The following AKR1C4 variants were observed in gnomAD, a reference collection of about 807,000 sequenced individuals.
AKR1C4 encodes the protein 3-alpha-HSD1.
A neutral mutation model predicts 41.0 loss-of-function variants in AKR1C4; 44 were observed. The ratio of observed to expected loss-of-function variants is 1.07; its 90% confidence interval spans 0.84 to 1.38. The LOEUF is 1.38. Among genes scored for constraint, AKR1C4 ranks in the 40% most tolerant of loss-of-function variants. AKR1C4 has a pLI of 0.00. For missense variants in AKR1C4, 438 were observed against 387.9 expected, an observed-to-expected ratio of 1.13 and a Z score of -1.09; for synonymous variants, 165 against 137.7, an observed-to-expected ratio of 1.20 and a Z score of -1.39.
chr10:5,218,607 T>A, intron 8 of AKR1C4, 111 bp from the exon 9 acceptor site: 1 of 745,946 alleles, frequency 1.3e-6, no homozygotes. Flanking sequence ...AGTCCGAAAA[T>A]AAACTTCTTA....
At chr10:5,212,820 G>A (rs1832598634) in intron 6 of AKR1C4, 95 bp downstream of exon 6, 16 of 1,438,534 alleles carry the variant, frequency 1.1e-5, no homozygotes, top group East Asian at 2.3e-5. Context: ...TTCTCAATGG[G>A]TCAGGGTAAG....
chr10:5,207,397 C>A, intron 5 of AKR1C4: 1 of 317,100 alleles, frequency 3.2e-6, no homozygotes, highest in Non-Finnish European at 6.4e-6. Context: ...TGTAGGTGGT[C>A]AGAAGAAATG....
At chr10:5,214,805 T>C (rs2132140069) in intron 7 of AKR1C4, among the ~76,000 whole-genome samples, 1 of 152,284 alleles carries the variant, frequency 6.6e-6, no homozygotes, top group East Asian at 1.9e-4. Flanking sequence ...CTCTGTATCA[T>C]TAGAGTATTC....
chr10:5,216,855 G>A, intron 8 of AKR1C4, 62 bp downstream of exon 8: 1 of 1,212,090 alleles, frequency 8.3e-7, no homozygotes, highest in Non-Finnish European at 1.2e-6. Context: ...TCAGATGGGT[G>A]TTGAAAGTGA....
chr10:5,207,520 TAAGAA>T, intron 5 of AKR1C4: 1 of 486,202 alleles, frequency 2.1e-6, no homozygotes, highest in Non-Finnish European at 3.9e-6. Flanking sequence ...AAATAGGGTA[TAAGAA>T]AATAAAGATG....
intron 7 of AKR1C4, among the ~76,000 whole-genome samples, chr10:5,214,953 G>A (rs978485968): frequency 1.3e-5 from 2 of 152,086 alleles, no homozygotes; most frequent in African/African-American, 4.8e-5. Context: ...TTAGGATTTG[G>A]ACAATTACTG....
intron 2 of AKR1C4, among the ~76,000 whole-genome samples, chr10:5,201,068 A>G (rs961793522): frequency 2.1e-5 from 3 of 145,314 alleles, no homozygotes; most frequent in Non-Finnish European, 4.4e-5. Flanking sequence ...TGCTGTAAAC[A>G]TGTGTGGGTA....
chr10:5,218,830 T>C lies in AKR1C4; in HGVS notation c.*70T>C. The C allele has an allele frequency of 4.1e-6, 6 of 1,469,270 alleles. No individual in the cohort carries two copies. The highest frequency in any genetic ancestry group is 4.8e-6 in the Non-Finnish European group (5 of 1,050,004). 91.0% of individuals were successfully genotyped at this position (1,469,270 alleles called of 1,614,324 possible). On this transcript the variant is annotated 3_prime_UTR_variant, in exon 9 of 9. Transcript: ENST00000263126. ...GATGGTGATGCAGAGGATGTCTCTA[T>C]GCTGGTGACTGGACACACAGCCTCT...
chr10:5,204,668 A>G (rs1554797284), intron 3 of AKR1C4, 175 bp downstream of exon 3: 1 of 753,160 alleles, frequency 1.3e-6, no homozygotes, highest in Admixed American at 1.7e-5. Flanking sequence ...GTAACGTATG[A>G]TGACAAGAGA....
At chr10:5,207,508 T>C (rs1832508230) in intron 5 of AKR1C4, 1 of 444,738 alleles carries the variant, frequency 2.2e-6, no homozygotes, top group Admixed American at 3.1e-5. Context: ...CTGAACTTTA[T>C]AAAATAGGGT....
chr10:5,199,789 C>G (rs1030068071), intron 1 of AKR1C4, among the ~76,000 whole-genome samples: 2 of 152,156 alleles, frequency 1.3e-5, no homozygotes, highest in African/African-American at 4.8e-5. Context: ...TTCACCAAGC[C>G]CAGGTGTGAT....
chr10:5,204,511 T>C lies in AKR1C4; in HGVS notation c.369+18T>C, dbSNP rs1832454155. ...CTCTCAAGGTAGGGAATTTGTGAGA[T>C]CAACTTCTCTTCTGTTCTCAGCATG... On this transcript the variant is annotated intron_variant, in intron 3 of 8. Coordinates refer to ENST00000263126, the MANE Select transcript of AKR1C4 (RefSeq NM_001818.5). The C allele has an allele frequency of 6.6e-7, 1 of 1,518,624 alleles. No homozygotes were observed. Among genetic ancestry groups the C allele is most frequent in the Non-Finnish European group, 9.1e-7 (1 of 1,093,238 alleles). The allele number at this position is 1,518,624 out of a possible 1,614,324, so 94.1% of individuals were successfully genotyped here.
Position 5,213,155 on chromosome 10 carries a change from T to C in AKR1C4, c.842T>C (p.Ile281Thr), listed in dbSNP as rs1554798134. 6.2e-7 allele frequency: 1 copy of C among 1,613,354 alleles called. No individual in the cohort carries two copies. Among genetic ancestry groups the C allele is most frequent in the Non-Finnish European group, 8.5e-7 (1 of 1,179,998 alleles). ...AATGAGCAGCGGATCAGAGAGAACA[T>C]CCAGGTGAGGAGTTGGGTGGGCATC... ...SYNEQRIREN[I>T]QVFEFQLTSE... is the part of the protein sequence containing the mutation. The change falls in exon 7 of 9, where the codon ATC (isoleucine) becomes ACC (threonine). Residue 281 changes from isoleucine to threonine, a missense_variant. By Grantham distance (89) the Ile-to-Thr change is moderately conservative. Coordinates refer to ENST00000263126, the MANE Select transcript of AKR1C4 (RefSeq NM_001818.5).
intron 8 of AKR1C4, among the ~76,000 whole-genome samples, chr10:5,218,498 T>C (rs1832686474): frequency 6.6e-6 from 1 of 150,706 alleles, no homozygotes; most frequent in Non-Finnish European, 1.5e-5. Flanking sequence ...GTTTGTGTGA[T>C]AAATTCCAGG....
At chr10:5,212,276 CT>C (rs1832587390) in intron 5 of AKR1C4, among the ~76,000 whole-genome samples, 1 of 152,084 alleles carries the variant, frequency 6.6e-6, no homozygotes, top group South Asian at 2.1e-4. Context: ...TAAACCTGCC[CT>C]TATGAGTCTT....
chr10:5,213,304 A>G, intron 7 of AKR1C4, 145 bp downstream of exon 7: 3 of 1,348,862 alleles, frequency 2.2e-6, no homozygotes, highest in South Asian at 1.6e-5. Context: ...AGTGTTTTCT[A>G]CTCTACCACA....
intron 7 of AKR1C4, among the ~76,000 whole-genome samples, chr10:5,216,409 TTCTGAA>T (rs1477060801): frequency 1.3e-5 from 2 of 152,242 alleles, no homozygotes; most frequent in Non-Finnish European, 2.9e-5. Flanking sequence ...CTCTAGATTC[TTCTGAA>T]TCTAAGTACA....
chr10:5,200,457 C>G, intron 2 of AKR1C4, 109 bp downstream of exon 2: 1 of 1,473,064 alleles, frequency 6.8e-7, no homozygotes, highest in Non-Finnish European at 9.0e-7. Context: ...CTTATTAGTT[C>G]CAATTTATTC....
At chr10:5,217,630 C>T (rs1414305689) in intron 8 of AKR1C4, among the ~76,000 whole-genome samples, 2 of 152,148 alleles carry the variant, frequency 1.3e-5, no homozygotes, top group African/African-American at 4.8e-5. Flanking sequence ...CATGGTGGCA[C>T]ACACCTGCAA....
Sources: gnomAD v4.1 joint callset for allele counts (sites outside exome capture counted in the v4.1 genomes callset) on GRCh38, gnomAD v4.1.1 for gene constraint, MANE v1.5 for transcripts, NCBI Gene and HGNC (gene_info 2026-07-23, HGNC 2026-07-21) for gene names.